The following SLC30A6 variants were observed in gnomAD, a reference collection of about 807,000 sequenced individuals.
SLC30A6 encodes the protein zinc transporter 6.
SLC30A6 carries 55 observed loss-of-function variants against 63.0 expected under a neutral mutation model. The observed-to-expected ratio is 0.87, with a 90% CI of 0.70 to 1.09. The LOEUF (loss-of-function observed/expected upper bound fraction) is 1.09. Among genes scored for constraint, SLC30A6 ranks in the 50% least tolerant of loss-of-function variants. The pLI is 0.00. For missense variants in SLC30A6, 587 were observed against 549.2 expected (o/e 1.07, Z -0.69); for synonymous variants, 224 against 186.1 (o/e 1.20, Z -1.66).
chr2:32,195,279 G>T (rs1683685578), intron 8 of SLC30A6, among the ~76,000 whole-genome samples: 1 of 152,002 alleles, frequency 6.6e-6, no homozygotes, highest in South Asian at 2.1e-4. Flanking sequence ...TGTTGGCCAG[G>T]CTGGTCTCAC....
rs550494995 is a variant in SLC30A6, at chr2:32,168,343, TTAAAA to T, written c.3+2448_3+2452del. On this transcript the variant is annotated intron_variant, in intron 1 of 13. Coordinates refer to ENST00000282587, the MANE Select transcript of SLC30A6 (RefSeq NM_017964.5). Reference sequence around the variant, plus strand: ...AGGTTTATTTTTTAAAATAAATATTTTAAAATAAAATATTGAGAAAAAGGTTTTGT... The same window carrying T: ...AGGTTTATTTTTTAAAATAAATATTTTAAAATATTGAGAAAAAGGTTTTGT... Among the ~76,000 whole-genome samples, 826 of 151,104 alleles carry T rather than the reference TTAAAA, an allele frequency of 5.5e-3. 14 individuals carry two copies. Among genetic ancestry groups the T allele is most frequent in the Non-Finnish European group, 3.9e-3 (265 of 67,810 alleles).
intron 13 of SLC30A6, among the ~76,000 whole-genome samples, chr2:32,209,926 T>C (rs900021766): frequency 2.6e-5 from 4 of 152,126 alleles, no homozygotes; most frequent in Non-Finnish European, 5.9e-5. Flanking sequence ...AATAAGAAAA[T>C]GTTAAAAAAA....
chr2:32,174,700 C>T (rs765335238), intron 3 of SLC30A6, among the ~76,000 whole-genome samples: 16 of 151,184 alleles, frequency 1.1e-4, no homozygotes, highest in Admixed American at 3.3e-4. Flanking sequence ...ATTACAGGCA[C>T]GTACCACCAC....
At chr2:32,183,071 C>T (rs557761187) in intron 4 of SLC30A6, among the ~76,000 whole-genome samples, 1 of 152,062 alleles carries the variant, frequency 6.6e-6, no homozygotes, top group Non-Finnish European at 1.5e-5. Flanking sequence ...CCTGTAATCC[C>T]AGCTACTCAG....
intron 4 of SLC30A6, among the ~76,000 whole-genome samples, chr2:32,179,081 A>C (rs952501879): frequency 6.6e-5 from 10 of 152,004 alleles, no homozygotes; most frequent in Non-Finnish European, 8.8e-5. Context: ...GCAAGTCACA[A>C]ATTTCTGGGC....
intron 10 of SLC30A6, chr2:32,204,060 T>C (rs1573380883): frequency 3.5e-6 from 2 of 568,186 alleles, no homozygotes; most frequent in East Asian, 3.1e-5. Flanking sequence ...ATGTATATTA[T>C]GCACCAAAAA....
At chr2:32,180,404 C>T (rs557378377) in intron 4 of SLC30A6, among the ~76,000 whole-genome samples, 8 of 148,474 alleles carry the variant, frequency 5.4e-5, no homozygotes, top group Admixed American at 2.0e-4. Flanking sequence ...CACTGATACC[C>T]TGTCTCAAAA....
At chr2:32,210,508 C>T (rs1685161364) in intron 13 of SLC30A6, among the ~76,000 whole-genome samples, 1 of 85,410 alleles carries the variant, frequency 1.2e-5, no homozygotes, top group African/African-American at 5.0e-5. Context: ...GAGTGAGACT[C>T]TGTCTCCAAA....
At chr2:32,173,858 T>C (rs1246919759) in intron 2 of SLC30A6, among the ~76,000 whole-genome samples, 1 of 152,262 alleles carries the variant, frequency 6.6e-6, no homozygotes, top group Non-Finnish European at 1.5e-5. Context: ...TGAACAACTC[T>C]CCTTCTGGAA....
chr2:32,173,788 A>G (rs545851578), intron 2 of SLC30A6, among the ~76,000 whole-genome samples: 6 of 152,316 alleles, frequency 3.9e-5, no homozygotes, highest in East Asian at 3.8e-4. Context: ...AACGATATGC[A>G]TATGTATGTG....
rs182987670 is a variant in SLC30A6 at position 32,206,464 on chromosome 2, A to G, written c.769-422A>G. Reference sequence around the variant, plus strand: ...CCAAAAAAAAAAAAGGCAGTTTCCCAGGGCCGGATGTGCGTGTAAGCACTG... The same window carrying G: ...CCAAAAAAAAAAAAGGCAGTTTCCCGGGGCCGGATGTGCGTGTAAGCACTG... On this transcript the variant is annotated intron_variant, in intron 11 of 13. Transcript: ENST00000282587. Among the ~76,000 whole-genome samples the G allele has an allele frequency of 2.3e-4, 34 of 150,562 alleles. No individual in the cohort carries two copies. The East Asian group carries it at 6.6e-3, about 29-fold the overall frequency.
intron 13 of SLC30A6, among the ~76,000 whole-genome samples, chr2:32,215,516 ATT>A (rs10681739): frequency 0.01 from 1,387 of 132,470 alleles, 24 homozygotes; most frequent in South Asian, 0.05. Flanking sequence ...ATATATATAT[ATT>A]TTTTTTTTTT....
chr2:32,180,780 A>G (rs1014906198), intron 4 of SLC30A6, among the ~76,000 whole-genome samples: 41 of 152,234 alleles, frequency 2.7e-4, no homozygotes, highest in Admixed American at 2.4e-3. Context: ...TACTAATGTT[A>G]CCAACCATAT....
At chr2:32,195,374 C>G (rs1026687129) in intron 8 of SLC30A6, among the ~76,000 whole-genome samples, 6 of 151,938 alleles carry the variant, frequency 3.9e-5, no homozygotes, top group South Asian at 2.1e-4. Flanking sequence ...CCATGTCTGG[C>G]TTTTTGATTA....
At chr2:32,213,426 C>G (rs1051911187) in intron 13 of SLC30A6, among the ~76,000 whole-genome samples, 1 of 151,698 alleles carries the variant, frequency 6.6e-6, no homozygotes. Context: ...TGCAAAACTC[C>G]TCCCAGTTGC....
At chr2:32,191,236 T>C (rs932299341) in intron 5 of SLC30A6, among the ~76,000 whole-genome samples, 13 of 152,226 alleles carry the variant, frequency 8.5e-5, no homozygotes, top group African/African-American at 2.9e-4. Context: ...TTTTTTATTT[T>C]TTCAGTAGCT....
Position 32,186,527 on chromosome 2 carries a change from AAC to A in SLC30A6, c.284+2199_284+2200del, listed in dbSNP as rs550711651. ...ATGGCAAAACCCCATCTCTACTAAA[AAC>A]ACACACACAAAAATTAGCTGGGCAT... is the stretch of plus-strand genomic sequence containing the variant. On this transcript the variant is annotated intron_variant, in intron 5 of 13. Transcript: ENST00000282587. 4.1e-3 allele frequency among the ~76,000 whole-genome samples: 620 copies of A among 152,130 alleles called. 2 individuals carry two copies. The highest frequency in any genetic ancestry group is 6.7e-3 in the Non-Finnish European group (453 of 67,986).
At chr2:32,201,715 A>G in intron 10 of SLC30A6, 1 of 1,368,934 alleles carries the variant, frequency 7.3e-7, no homozygotes, top group South Asian at 1.2e-5. Context: ...GTTTCGGCTA[A>G]TGGATTATGG....
At chr2:32,173,081 A>G (rs879580396) in intron 2 of SLC30A6, among the ~76,000 whole-genome samples, 1 of 152,134 alleles carries the variant, frequency 6.6e-6, no homozygotes, top group Non-Finnish European at 1.5e-5. Flanking sequence ...TTCTTGCATC[A>G]TGCATCATTC....
Sources: gnomAD v4.1 joint callset for allele counts (sites outside exome capture counted in the v4.1 genomes callset) on GRCh38, gnomAD v4.1.1 for gene constraint, MANE v1.5 for transcripts, NCBI Gene and HGNC (gene_info 2026-07-23, HGNC 2026-07-21) for gene names.